Variants in SRC observed in about 807,000 individuals in gnomAD.
The protein encoded by SRC is proto-oncogene tyrosine-protein kinase Src.
SRC carries 13 observed loss-of-function variants against 62.9 expected under a neutral mutation model. The ratio of observed to expected loss-of-function variants is 0.21; its 90% CI spans 0.13 to 0.33. SRC has a LOEUF of 0.33. SRC is among the 10% of genes least tolerant of loss of function. SRC has a pLI of 1.00. For missense variants in SRC, 457 were observed against 737.3 expected (o/e 0.62, Z 4.40); for synonymous variants, 302 against 317.5 (o/e 0.95, Z 0.52).
chr20:37,368,639 G>A (rs1256665141), intron 2 of SRC, among the ~76,000 whole-genome samples: 3 of 121,958 alleles, frequency 2.5e-5, no homozygotes, highest in Non-Finnish European at 5.0e-5. Context: ...TGCAAGCTCC[G>A]CCTCCCGGGT....
chr20:37,401,986 G>T, intron 11 of SRC: 1 of 378,870 alleles, frequency 2.6e-6, no homozygotes, highest in Non-Finnish European at 4.7e-6. Flanking sequence ...CTTGCTGTAG[G>T]CAGTGGTCAA....
rs568894758 is a variant in SRC at position 37,404,220 on chromosome 20, C to A, written c.*841C>A. 8.6e-6 allele frequency: 2 copies of A among 233,574 alleles called. No homozygotes were observed. The highest frequency in any genetic ancestry group is 1.7e-5 in the Non-Finnish European group (2 of 118,014). 14.5% of individuals were successfully genotyped at this position (233,574 alleles called of 1,614,324 possible). On this transcript the variant is annotated 3_prime_UTR_variant, in exon 14 of 14. Coordinates refer to ENST00000373578, the MANE Select transcript of SRC (RefSeq NM_198291.3). ...GAAACAAGGGGTCTGAGGATGCATT[C>A]GAGATGGCAGATTCCCACTGCCGCT...
intron 1 of SRC, among the ~76,000 whole-genome samples, chr20:37,354,230 C>T (rs1236711443): frequency 2.0e-5 from 3 of 152,230 alleles, no homozygotes; most frequent in Admixed American, 1.3e-4. Flanking sequence ...TGAGAAGGGA[C>T]TCAATCAAGG....
At position 37,396,325 on chromosome 20, in the gene SRC, G is replaced by T. The variant is rs2070650057; in HGVS notation, c.703+14G>T. On this transcript the variant is annotated intron_variant, in intron 8 of 13. Transcript: ENST00000373578. The surrounding 1 kb of genome is among the most constrained non-coding windows in gnomAD (Gnocchi z 6.1). The stretch of plus-strand genomic sequence containing the variant: ...CCTACTACTCCAGTGAGCCAGCCTC[G>T]GAGGGCGGAGGGCGGGCGGGCAAAG... 1 of 1,611,676 alleles carries T rather than the reference G, an allele frequency of 6.2e-7. No individual in the cohort carries two copies. The highest frequency in any genetic ancestry group is 8.5e-7 in the Non-Finnish European group (1 of 1,179,760).
At position 37,382,690 on chromosome 20, in the gene SRC, G is replaced by C. The variant is rs1431768680; in HGVS notation, c.-101G>C. The C allele has an allele frequency of 3.3e-5, 5 of 152,236 alleles. 1 individual carries two copies. The highest frequency in any genetic ancestry group is 3.3e-4 in the Admixed American group (5 of 15,282). 9.4% of individuals were successfully genotyped at this position (152,236 alleles called of 1,614,324 possible). A position where few individuals can be genotyped will look rare whatever the true frequency, so the allele number is the denominator to read the frequency against. ...ACACAGCGGGGAGAGGTGGAGCAGGGCCTCTATTTCGAGACCCCTGACTCC... is the reference window on the plus strand; with the variant it reads ...ACACAGCGGGGAGAGGTGGAGCAGGCCCTCTATTTCGAGACCCCTGACTCC... On this transcript the variant is annotated 5_prime_UTR_variant, in exon 3 of 14. Transcript: ENST00000373578.
intron 5 of SRC, among the ~76,000 whole-genome samples, chr20:37,389,595 C>T (rs1009680872): frequency 2.6e-5 from 4 of 152,146 alleles, no homozygotes; most frequent in Non-Finnish European, 4.4e-5. Flanking sequence ...TGCACCAGCT[C>T]AGCGGCCATC....
At chr20:37,357,948 A>G (rs2069907816) in intron 1 of SRC, among the ~76,000 whole-genome samples, 1 of 152,076 alleles carries the variant, frequency 6.6e-6, no homozygotes, top group African/African-American at 2.4e-5. Context: ...GATGGAGTAG[A>G]GCGAGGGGAG....
At chr20:37,373,219 CATACGT>C (rs2070207002) in intron 2 of SRC, among the ~76,000 whole-genome samples, 4 of 148,744 alleles carry the variant, frequency 2.7e-5, no homozygotes, top group African/African-American at 1.0e-4. Flanking sequence ...CACACATGTA[CATACGT>C]ACACACATGC....
In SRC at chr20:37,394,199, C is replaced by A. The variant is rs769358602; in HGVS notation, c.475C>A (p.Arg159=). Residue 159 remains arginine, a synonymous_variant, in exon 7 of 14, where the codon CGG becomes AGG. Coordinates refer to ENST00000373578, the MANE Select transcript of SRC (RefSeq NM_198291.3). ...EEWYFGKITR[R]ESERLLLNAE... is the part of the protein sequence containing the mutation. ...GTGGTATTTTGGCAAGATCACCAGACGGGAGTCAGAGCGGTTACTGCTCAA... is the reference window on the plus strand; with the variant it reads ...GTGGTATTTTGGCAAGATCACCAGAAGGGAGTCAGAGCGGTTACTGCTCAA... The A allele has an allele frequency of 1.9e-6, 3 of 1,613,892 alleles. No individual in the cohort carries two copies. The highest frequency in any genetic ancestry group is 4.5e-5 in the East Asian group (2 of 44,900).
At position 37,402,971 on chromosome 20, in the gene SRC, C is replaced by T. The variant is rs913889559; in HGVS notation, c.1402+91C>T. 6.7e-7 allele frequency: 1 copy of T among 1,496,818 alleles called. No homozygotes were observed. Among genetic ancestry groups the T allele is most frequent in the African/African-American group, 1.4e-5 (1 of 71,432 alleles). 92.7% of individuals were successfully genotyped at this position (1,496,818 alleles called of 1,614,324 possible). ...TCATGACTCCTGCTGGGCCTGTTTCCCCACCCGTAAAACAAAGAAGTTGAG... is the reference window on the plus strand; with the variant it reads ...TCATGACTCCTGCTGGGCCTGTTTCTCCACCCGTAAAACAAAGAAGTTGAG... On this transcript the variant is annotated intron_variant, in intron 13 of 13. Coordinates refer to ENST00000373578, the MANE Select transcript of SRC (RefSeq NM_198291.3). This position sits in a 1 kb window ranked among gnomAD's most constrained non-coding sequence, Gnocchi z 6.2.
chr20:37,387,551 CG>C (rs994491936), intron 5 of SRC, among the ~76,000 whole-genome samples: 6 of 15,078 alleles, frequency 4.0e-4, no homozygotes, highest in African/African-American at 1.7e-3. Flanking sequence ...CTGCTCTTGG[CG>C]GGGGGGTGGG....
intron 5 of SRC, among the ~76,000 whole-genome samples, chr20:37,387,326 C>T (rs1205274930): frequency 6.6e-6 from 1 of 152,194 alleles, no homozygotes; most frequent in African/African-American, 2.4e-5. Flanking sequence ...AACAGAGGTG[C>T]CAGTTGCCAT....
intron 2 of SRC, among the ~76,000 whole-genome samples, chr20:37,367,819 A>T (rs1013607941): frequency 5.3e-5 from 8 of 150,764 alleles, no homozygotes; most frequent in Non-Finnish European, 1.0e-4. Flanking sequence ...GCTAATTTTT[A>T]AAAAAGTTTT....
At chr20:37,400,771 G>T (rs1156935890) in intron 10 of SRC, among the ~76,000 whole-genome samples, 1 of 151,998 alleles carries the variant, frequency 6.6e-6, no homozygotes, top group Non-Finnish European at 1.5e-5. Context: ...CAGTTCAGTG[G>T]GTTTTAACAA....
In SRC at chr20:37,404,529, T is replaced by C. The variant is rs2070794421; in HGVS notation, c.*1150T>C. Reference sequence around the variant, plus strand: ...TCCTGGCCCTGTTCTCCTCCCCAAGTCGGCACCCTTTAACTCATGAGGAGG... The same window carrying C: ...TCCTGGCCCTGTTCTCCTCCCCAAGCCGGCACCCTTTAACTCATGAGGAGG... On this transcript the variant is annotated 3_prime_UTR_variant, in exon 14 of 14. Coordinates refer to ENST00000373578, the MANE Select transcript of SRC (RefSeq NM_198291.3). The C allele has an allele frequency of 8.6e-6, 2 of 233,552 alleles. No individual in the cohort carries two copies. Among genetic ancestry groups the C allele is most frequent in the African/African-American group, 4.4e-5 (2 of 45,360 alleles). 14.5% of individuals were successfully genotyped at this position (233,552 alleles called of 1,614,324 possible).
chr20:37,393,708 C>T (rs1373561121), intron 5 of SRC, 187 bp from the exon 6 acceptor site: 3 of 574,648 alleles, frequency 5.2e-6, no homozygotes, highest in East Asian at 5.6e-5. Flanking sequence ...GCGTCTGCGC[C>T]AGGGAGGGGA....
rs182190729 is a variant in SRC at position 37,354,679 on chromosome 20, C to G, written c.-247+8424C>G. 1.2e-3 allele frequency among the ~76,000 whole-genome samples: 187 copies of G among 152,272 alleles called. 2 individuals are homozygous for G. The highest frequency in any genetic ancestry group is 2.3e-3 in the Non-Finnish European group (159 of 68,022). ...TTGTGGACTTTGTCCCTGAGTTGTGCCAAGTCCTCAAGGCTGGGCCTGGTT... is the reference window on the plus strand; with the variant it reads ...TTGTGGACTTTGTCCCTGAGTTGTGGCAAGTCCTCAAGGCTGGGCCTGGTT... On this transcript the variant is annotated intron_variant, in intron 1 of 13. Coordinates refer to ENST00000373578, the MANE Select transcript of SRC (RefSeq NM_198291.3).
chr20:37,386,291 A>G lies in SRC; in HGVS notation c.350+117A>G. 6 of 1,029,030 alleles carry G rather than the reference A, an allele frequency of 5.8e-6. No homozygotes were observed. In the African/African-American group the frequency reaches 9.6e-5, roughly 16 times the overall value. The allele number at this position is 1,029,030 out of a possible 1,614,324, so 63.7% of individuals were successfully genotyped here. A position where few individuals can be genotyped will look rare whatever the true frequency, so the allele number is the denominator to read the frequency against. The stretch of plus-strand genomic sequence containing the variant: ...ACAGTGCAGAGCCCAGGGCAGTGCG[A>G]AGCCCAGGGCAGTGTGGAGGCAGGC... On this transcript the variant is annotated intron_variant, in intron 5 of 13. Transcript: ENST00000373578.
chr20:37,353,335 G>A (rs2069834980), intron 1 of SRC, among the ~76,000 whole-genome samples: 1 of 152,098 alleles, frequency 6.6e-6, no homozygotes, highest in Non-Finnish European at 1.5e-5. Context: ...TGAATAGCAT[G>A]ACTTATTGTC....
Sources: gnomAD v4.1 joint callset for allele counts (sites outside exome capture counted in the v4.1 genomes callset) on GRCh38, gnomAD v4.1.1 for gene constraint, Gnocchi (gnomAD v3.1) non-coding constraint, MANE v1.5 for transcripts, NCBI Gene and HGNC (gene_info 2026-07-23, HGNC 2026-07-21) for gene names.